The following EMILIN2 variants were observed in gnomAD, a reference collection of about 807,000 sequenced individuals.
EMILIN2 encodes the protein elastin microfibril interfacer 2.
A neutral mutation model predicts 87.1 loss-of-function variants in EMILIN2; 71 were observed. The ratio of observed to expected loss-of-function variants is 0.82; its 90% CI spans 0.67 to 0.99. EMILIN2 has a LOEUF of 0.99. Ranked by LOEUF, EMILIN2 falls within the 50% of genes least tolerant of loss-of-function variation. The probability of loss-of-function intolerance (pLI) is 0.00; values close to 1 mark genes in which losing one functional copy is unlikely to be tolerated. For synonymous variants in EMILIN2, 581 were observed against 563.4 expected, an observed-to-expected ratio of 1.03 and a Z score of -0.44; for missense variants, 1,407 against 1,371.8, an observed-to-expected ratio of 1.03 and a Z score of -0.40.
chr18:2,903,940 G>A (rs1360352449), intron 4 of EMILIN2, among the ~76,000 whole-genome samples: 2 of 152,098 alleles, frequency 1.3e-5, no homozygotes, highest in Non-Finnish European at 2.9e-5. Flanking sequence ...ACTCTCTGTT[G>A]CTTTTTCATG....
At chr18:2,867,675 A>C (rs1263023020) in intron 2 of EMILIN2, among the ~76,000 whole-genome samples, 1 of 152,250 alleles carries the variant, frequency 6.6e-6, no homozygotes, top group Non-Finnish European at 1.5e-5. Context: ...GGGTAAGGTC[A>C]CAGATCAACA....
intron 5 of EMILIN2, 132 bp downstream of exon 5, chr18:2,907,217 G>T: frequency 9.7e-7 from 1 of 1,035,010 alleles, no homozygotes; most frequent in Non-Finnish European, 1.2e-6. Context: ...ATGCAGCTTT[G>T]GAAGGATGCC....
upstream of EMILIN2, chr18:2,846,751 G>A (rs2076575783): frequency 4.1e-6 from 4 of 985,292 alleles, no homozygotes; most frequent in African/African-American, 7.0e-5. The surrounding 1 kb of genome is among the most constrained non-coding windows in gnomAD (Gnocchi z 5.3). Context: ...GAAGGTGGGA[G>A]GCGGAGTCGC....
chr18:2,851,912 G>A (rs2076603633), intron 2 of EMILIN2, among the ~76,000 whole-genome samples: 1 of 152,180 alleles, frequency 6.6e-6, no homozygotes, highest in South Asian at 2.1e-4. Flanking sequence ...TACCAAGGAG[G>A]AAACTGAGAT....
chr18:2,850,019 TGGGTTCAAGCAACTCTCATTCCTCA>T (rs2076594381), intron 2 of EMILIN2, among the ~76,000 whole-genome samples: 1 of 151,800 alleles, frequency 6.6e-6, no homozygotes, highest in Non-Finnish European at 1.5e-5. Flanking sequence ...AACTGCCTCC[TGGGTTCAAGCAACTCTCATTCCTCA>T]GCCTCCCGAG....
At position 2,847,814 on chromosome 18, in the gene EMILIN2, G is replaced by C; in HGVS notation, c.140G>C (p.Trp47Ser). ...CTCTCTCTCCTGCACCCCAGGAACT[G>C]GTGCGCCTACATCGTGAACAAGAAT... ...PARPSARNKN[W>S]CAYIVNKNVS... The change falls in exon 2 of 8, where the codon TGG becomes TCG. Residue 47 changes from tryptophan (W) to serine (S), a missense_variant. By Grantham distance (177) the Trp-to-Ser change is radical. Transcript: ENST00000254528. The surrounding 1 kb of genome is among the most constrained non-coding windows in gnomAD (Gnocchi z 4.5). 6.2e-7 allele frequency: 1 copy of C among 1,613,172 alleles called. No individual in the cohort carries two copies. Among genetic ancestry groups the C allele is most frequent in the Non-Finnish European group, 8.5e-7 (1 of 1,179,782 alleles).
chr18:2,906,836 G>C lies in EMILIN2; in HGVS notation c.2413G>C (p.Glu805Gln). 1 of 1,339,898 alleles carries C rather than the reference G, an allele frequency of 7.5e-7. No individual in the cohort carries two copies. Among genetic ancestry groups the C allele is most frequent in the Admixed American group, 3.4e-5 (1 of 29,534 alleles). The allele number at this position is 1,339,898 out of a possible 1,614,324, so 83.0% of individuals were successfully genotyped here. Residue 805 changes from glutamate to glutamine, a missense_variant, in exon 5 of 8, where the codon GAG becomes CAG. By Grantham distance (29) the Glu-to-Gln change is conservative. Coordinates refer to ENST00000254528, the MANE Select transcript of EMILIN2 (RefSeq NM_032048.3). The stretch of plus-strand genomic sequence containing the variant: ...GGCCCCGAAGGAGCCGCTGCAGCCC[G>C]AGCCCGCCCCGCCGAGGCCCAGCGG... ...AEAPKEPLQPEPAPPRPSGPA... is the reference protein window; with the variant it reads ...AEAPKEPLQPQPAPPRPSGPA...
intron 4 of EMILIN2, among the ~76,000 whole-genome samples, chr18:2,899,629 C>A (rs889638281): frequency 6.6e-6 from 1 of 151,962 alleles, no homozygotes; most frequent in Non-Finnish European, 1.5e-5. Context: ...CTCAGCCACC[C>A]GAATAGCTGG....
At chr18:2,878,233 T>C (rs781054813) in intron 2 of EMILIN2, among the ~76,000 whole-genome samples, 1 of 152,226 alleles carries the variant, frequency 6.6e-6, no homozygotes, top group Non-Finnish European at 1.5e-5. Flanking sequence ...CTCACACCTG[T>C]AATCCCAGCA....
intron 4 of EMILIN2, among the ~76,000 whole-genome samples, chr18:2,900,515 C>CT (rs1236984167): frequency 1.3e-5 from 2 of 152,214 alleles, no homozygotes; most frequent in Non-Finnish European, 2.9e-5. Context: ...TGGACATCGA[C>CT]TTGGAGTAGA....
chr18:2,886,183 C>T (rs2076802616), intron 3 of EMILIN2, among the ~76,000 whole-genome samples: 1 of 152,126 alleles, frequency 6.6e-6, no homozygotes, highest in South Asian at 2.1e-4. Flanking sequence ...AGGCTCTATA[C>T]TGGGTACTTG....
chr18:2,910,194 G>T (rs552591841), intron 7 of EMILIN2, among the ~76,000 whole-genome samples: 1 of 151,938 alleles, frequency 6.6e-6, no homozygotes. Flanking sequence ...CTCAGGCTCC[G>T]ACAGTCATCC....
intron 2 of EMILIN2, among the ~76,000 whole-genome samples, chr18:2,849,168 A>G (rs2076591498): frequency 6.6e-6 from 1 of 152,204 alleles, no homozygotes; most frequent in African/African-American, 2.4e-5. Context: ...TCTTAGTAAG[A>G]TTGAGACCTC....
chr18:2,878,173 A>AAAAG (rs2076759191), intron 2 of EMILIN2, among the ~76,000 whole-genome samples: 1 of 152,190 alleles, frequency 6.6e-6, no homozygotes, highest in South Asian at 2.1e-4. Flanking sequence ...GCACAATTGT[A>AAAAG]TGCTTAAAAG....
In EMILIN2 at chr18:2,890,463, A is replaced by AGCACCCCAAGCCTGACACCAC; in HGVS notation, c.434-98_434-97insGCACCCCAAGCCTGACACCAC. ...ATTGTGTAGTGACCTGTAAGTGAAG[A>AGCACCCCAAGCCTGACACCAC]TGTACATGTATTTTGTAGGTACCTT... On this transcript the variant is annotated intron_variant, in intron 3 of 7. Coordinates refer to ENST00000254528, the MANE Select transcript of EMILIN2 (RefSeq NM_032048.3). This position sits in a 1 kb window ranked among gnomAD's most constrained non-coding sequence, Gnocchi z 4.7. 7.2e-7 allele frequency: 1 copy of AGCACCCCAAGCCTGACACCAC among 1,383,732 alleles called. No homozygotes were observed. The highest frequency in any genetic ancestry group is 2.3e-5 in the East Asian group (1 of 43,236). 85.7% of individuals were successfully genotyped at this position (1,383,732 alleles called of 1,614,324 possible).
rs570321961 is a variant in EMILIN2 at position 2,883,518 on chromosome 18, T to C, written c.258-1446T>C. 4.8e-3 allele frequency among the ~76,000 whole-genome samples: 732 copies of C among 152,274 alleles called. 5 individuals are homozygous for C. Among genetic ancestry groups the C allele is most frequent in the African/African-American group, 0.017 (690 of 41,570 alleles). On this transcript the variant is annotated intron_variant, in intron 2 of 7. Transcript: ENST00000254528. ...TGATTTGCAAGGCAGGAAATCACAA[T>C]TGGGCTGAAGTAGGGAGGCCCCATC...
intron 2 of EMILIN2, among the ~76,000 whole-genome samples, chr18:2,872,056 G>A (rs1427027056): frequency 6.6e-6 from 1 of 152,162 alleles, no homozygotes; most frequent in East Asian, 1.9e-4. Flanking sequence ...GCCAAGCTGG[G>A]ACTAGTGCAC....
chr18:2,908,362 C>A (rs1381699372), intron 5 of EMILIN2, among the ~76,000 whole-genome samples: 2 of 152,170 alleles, frequency 1.3e-5, no homozygotes, highest in African/African-American at 2.4e-5. Flanking sequence ...ACATATGCAT[C>A]CTCATATGCA....
Position 2,891,665 on chromosome 18 carries a change from G to T in EMILIN2, c.1538G>T (p.Gly513Val). Reference sequence around the variant, plus strand: ...CTCCTACAGATGACCAATAACACTGGTGCAGAGCTCAGTCCCCCAGGGGCA... The same window carrying T: ...CTCCTACAGATGACCAATAACACTGTTGCAGAGCTCAGTCCCCCAGGGGCA... ...SVLLQMTNNT[G>V]AELSPPGAAA... The change falls in exon 4 of 8, where the codon GGT becomes GTT. Residue 513 changes from glycine to valine, a missense_variant. Transcript: ENST00000254528. This position sits in a 1 kb window ranked among gnomAD's most constrained non-coding sequence, Gnocchi z 4.6. 1 of 1,614,136 alleles carries T rather than the reference G, an allele frequency of 6.2e-7. No homozygotes were observed. Among genetic ancestry groups the T allele is most frequent in the South Asian group, 1.1e-5 (1 of 91,088 alleles).
Sources: gnomAD v4.1 joint callset for allele counts (sites outside exome capture counted in the v4.1 genomes callset) on GRCh38, gnomAD v4.1.1 for gene constraint, Gnocchi (gnomAD v3.1) non-coding constraint, MANE v1.5 for transcripts, NCBI Gene and HGNC (gene_info 2026-07-23, HGNC 2026-07-21) for gene names.